WDR49: variants seen among roughly 807,000 people sequenced by gnomAD.
WDR49 encodes cilia- and flagella-associated protein 337.
WDR49 carries 107 observed loss-of-function variants against 119.5 expected under a neutral mutation model. That is an observed-to-expected ratio of 0.90 (90% CI 0.77 to 1.05). WDR49 has a LOEUF of 1.05. WDR49 is among the 50% of genes least tolerant of loss of function. The pLI is 0.00. For synonymous variants in WDR49, 425 were observed against 418.8 expected (o/e 1.01, Z -0.18); for missense variants, 1,240 against 1,220.5 (o/e 1.02, Z -0.24).
intron 18 of WDR49, among the ~76,000 whole-genome samples, chr3:167,491,659 A>T (rs553350036): frequency 6.4e-4 from 98 of 152,202 alleles, no homozygotes; most frequent in South Asian, 2.1e-3. Context: ...TTTTCTCCAC[A>T]CTGTTTCAAG....
chr3:167,522,018 A>ATAGT (rs1402227303), intron 16 of WDR49, among the ~76,000 whole-genome samples: 1,835 of 103,500 alleles, frequency 0.018, 33 homozygotes, highest in African/African-American at 0.021. Context: ...AGATAGATAG[A>ATAGT]TTGTTTTTGA....
intron 7 of WDR49, among the ~76,000 whole-genome samples, chr3:167,578,520 A>G (rs942050836): frequency 4.6e-5 from 7 of 152,234 alleles, no homozygotes; most frequent in Middle Eastern, 3.4e-3. Flanking sequence ...AAGAAAAATT[A>G]CTAATACTCC....
upstream of WDR49, among the ~76,000 whole-genome samples, chr3:167,657,342 AAAAAAG>A (rs1340718276): frequency 2.0e-5 from 3 of 151,854 alleles, no homozygotes; most frequent in Non-Finnish European, 4.4e-5. Flanking sequence ...GAAATGGTCC[AAAAAAG>A]CTTCCAACTT....
chr3:167,504,665 T>C (rs1751700163), intron 17 of WDR49, among the ~76,000 whole-genome samples: 1 of 152,140 alleles, frequency 6.6e-6, no homozygotes, highest in South Asian at 2.1e-4. Flanking sequence ...ATGGTTTTAT[T>C]TTTCAATGGG....
chr3:167,597,386 C>G (rs1715533578), intron 7 of WDR49, among the ~76,000 whole-genome samples: 1 of 152,220 alleles, frequency 6.6e-6, no homozygotes, highest in African/African-American at 2.4e-5. Context: ...GATGTCCAGG[C>G]AGAAGTGGGC....
chr3:167,566,852 T>G (rs1158423724), intron 8 of WDR49: 1 of 673,184 alleles, frequency 1.5e-6, no homozygotes. Flanking sequence ...GGAAGTCAAT[T>G]ATCATAAGGG....
Position 167,576,020 on chromosome 3 carries a change from A to G in WDR49, c.1407T>C (p.Asn469=). 1.9e-6 allele frequency: 3 copies of G among 1,614,146 alleles called. No individual in the cohort carries two copies. The highest frequency in any genetic ancestry group is 1.7e-6 in the Non-Finnish European group (2 of 1,180,024). The change falls in exon 8 of 19, where the codon AAT becomes AAC. Residue 469 remains asparagine, a synonymous_variant. Transcript: ENST00000682715. ...TCATTGCCAACAATGCTAGCTGGTT[A>G]TTAAACGAGATGAAAAGTCGTCCAT... ...EAHGRLFISF[N]NQLALLAMKS...
chr3:167,512,345 C>T (rs1369458577), intron 16 of WDR49, among the ~76,000 whole-genome samples: 1 of 152,116 alleles, frequency 6.6e-6, no homozygotes, highest in Non-Finnish European at 1.5e-5. Context: ...AGTGGACCCC[C>T]AGCAAACTGC....
chr3:167,491,187 G>A (rs1449959727), intron 18 of WDR49, among the ~76,000 whole-genome samples: 1 of 152,072 alleles, frequency 6.6e-6, no homozygotes, highest in Non-Finnish European at 1.5e-5. Flanking sequence ...GACTATTTCT[G>A]AGACTCTGCT....
At chr3:167,483,338 A>C (rs1750791396) in intron 18 of WDR49, among the ~76,000 whole-genome samples, 1 of 152,220 alleles carries the variant, frequency 6.6e-6, no homozygotes, top group Non-Finnish European at 1.5e-5. Context: ...GTTACTTCCG[A>C]AATTCTGTTT....
chr3:167,551,394 TG>T (rs1255228399), intron 10 of WDR49, among the ~76,000 whole-genome samples: 3 of 152,056 alleles, frequency 2.0e-5, no homozygotes, highest in African/African-American at 7.2e-5. Context: ...TGCTACCACA[TG>T]TTTTTTTGTG....
intron 8 of WDR49, among the ~76,000 whole-genome samples, chr3:167,561,192 G>A (rs1227697758): frequency 1.3e-5 from 2 of 152,130 alleles, no homozygotes; most frequent in Admixed American, 6.5e-5. Flanking sequence ...TTTATCAAAT[G>A]TATATTCAAT....
At chr3:167,605,860 A>G (rs965889085) in intron 5 of WDR49, among the ~76,000 whole-genome samples, 4 of 152,210 alleles carry the variant, frequency 2.6e-5, no homozygotes, top group Admixed American at 1.3e-4. Context: ...TGTCAAACTC[A>G]GGTCTGAAGT....
chr3:167,582,214 A>G (rs1382760453), intron 7 of WDR49, among the ~76,000 whole-genome samples: 1 of 152,120 alleles, frequency 6.6e-6, no homozygotes, highest in Non-Finnish European at 1.5e-5. Context: ...TGTACTAACA[A>G]TCTATTTATT....
intron 7 of WDR49, among the ~76,000 whole-genome samples, chr3:167,594,181 G>A (rs1488434518): frequency 6.6e-6 from 1 of 152,178 alleles, no homozygotes; most frequent in Non-Finnish European, 1.5e-5. Flanking sequence ...TTGGAACTGG[G>A]TAACGGGCAA....
At chr3:167,531,458 T>A in intron 12 of WDR49, among the ~76,000 whole-genome samples, 179 bp from the exon 13 acceptor site, 1 of 152,260 alleles carries the variant, frequency 6.6e-6, no homozygotes, top group East Asian at 1.9e-4. Flanking sequence ...CTTGAAGAAT[T>A]GTTTGACATT....
chr3:167,517,094 T>C (rs965368062), intron 16 of WDR49, among the ~76,000 whole-genome samples: 1 of 152,094 alleles, frequency 6.6e-6, no homozygotes, highest in Non-Finnish European at 1.5e-5. Flanking sequence ...TGTGGGTAAA[T>C]AGGAACACTT....
intron 2 of WDR49, among the ~76,000 whole-genome samples, chr3:167,638,086 T>A (rs184237430): frequency 1.3e-5 from 2 of 151,694 alleles, no homozygotes; most frequent in African/African-American, 4.8e-5. Context: ...AAGAAAGTAA[T>A]AAGCATCACA....
chr3:167,602,599 C>T (rs1715830705), intron 6 of WDR49, among the ~76,000 whole-genome samples: 2 of 152,128 alleles, frequency 1.3e-5, no homozygotes, highest in Non-Finnish European at 2.9e-5. Flanking sequence ...TTCTTCCTAA[C>T]CCTGATATTT....
Sources: allele counts gnomAD v4.1 joint callset (sites outside exome capture counted in the v4.1 genomes callset), GRCh38; gene constraint gnomAD v4.1.1; transcripts MANE v1.5; gene names NCBI Gene and HGNC (gene_info 2026-07-23, HGNC 2026-07-21).